MYO10: variants seen among roughly 807,000 people sequenced by gnomAD.
MYO10 encodes unconventional myosin-X.
Under a neutral mutation model 257.3 loss-of-function variants are expected in MYO10, and 133 were observed. That is an observed-to-expected ratio of 0.52 (90% confidence interval 0.45 to 0.60). The LOEUF is 0.60. Ranked by LOEUF, MYO10 falls within the 20% of genes least tolerant of loss-of-function variation. MYO10 has a pLI of 0.00. For synonymous variants in MYO10, 1,104 were observed against 1,028.6 expected (o/e 1.07, Z -1.40); for missense variants, 2,399 against 2,635.7 (o/e 0.91, Z 1.97).
chr5:16,694,633 G>T lies in MYO10; in HGVS notation c.3557-19C>A. On this transcript the variant is annotated intron_variant, in intron 26 of 40. Coordinates refer to ENST00000513610, the MANE Select transcript of MYO10 (RefSeq NM_012334.3). ...AGGCCACCTGTTCCCCGTGAGATTG[G>T]GTAGAGAGGGGTGAAAGAAAAGTCA... is the stretch of plus-strand genomic sequence containing the variant. 6.2e-7 allele frequency: 1 copy of T among 1,611,328 alleles called. No individual in the cohort carries two copies. Among genetic ancestry groups the T allele is most frequent in the South Asian group, 1.1e-5 (1 of 90,974 alleles).
chr5:16,792,126 CACACACAGAGAGAGAG>C (rs1232049435), intron 4 of MYO10, among the ~76,000 whole-genome samples: 3 of 122,630 alleles, frequency 2.4e-5, no homozygotes, highest in African/African-American at 5.7e-5. Context: ...CACACACACA[CACACACAGAGAGAGAG>C]AGAGAGAGAG....
intron 10 of MYO10, among the ~76,000 whole-genome samples, chr5:16,767,688 T>G (rs1298000265): frequency 6.6e-6 from 1 of 151,738 alleles, no homozygotes; most frequent in Non-Finnish European, 1.5e-5. Flanking sequence ...AGTTTTCACT[T>G]TTTTTTTGAG....
Position 16,803,706 on chromosome 5 carries a change from A to C in MYO10, c.280-8873T>G, listed in dbSNP as rs376305488. ...ATCTGAAATCTCTTCCTTGAAAAGC[A>C]AAAAAGGAAAGAATATGTAAAATGT... On this transcript the variant is annotated intron_variant, in intron 3 of 40. Coordinates refer to ENST00000513610, the MANE Select transcript of MYO10 (RefSeq NM_012334.3). Among the ~76,000 whole-genome samples, 29 of 152,244 alleles carry C rather than the reference A, an allele frequency of 1.9e-4. No individual in the cohort carries two copies. The East Asian group carries it at 1.9e-3, about 10-fold the overall frequency.
intron 19 of MYO10, among the ~76,000 whole-genome samples, chr5:16,725,345 C>A (rs922943182): frequency 7.2e-5 from 11 of 152,122 alleles, no homozygotes; most frequent in East Asian, 3.9e-4. Context: ...CTGCCTGCCT[C>A]GCCCTCCCAA....
At chr5:16,852,005 C>T (rs973326319) in intron 2 of MYO10, among the ~76,000 whole-genome samples, 6 of 129,142 alleles carry the variant, frequency 4.6e-5, no homozygotes, top group African/African-American at 5.9e-5. Flanking sequence ...GAGCCAAGAT[C>T]GTGCCACTGC....
At chr5:16,771,235 CA>C (rs1741039274) in intron 9 of MYO10, among the ~76,000 whole-genome samples, 1 of 151,790 alleles carries the variant, frequency 6.6e-6, no homozygotes, top group Non-Finnish European at 1.5e-5. Flanking sequence ...CGAACATGTA[CA>C]AATTAAGGTA....
At chr5:16,823,367 C>G (rs563567716) in intron 2 of MYO10, among the ~76,000 whole-genome samples, 21 of 131,720 alleles carry the variant, frequency 1.6e-4, no homozygotes, top group African/African-American at 6.0e-4. Flanking sequence ...ATCACTTGAA[C>G]CCGGGGGGCA....
At chr5:16,839,962 C>T (rs1043239208) in intron 2 of MYO10, among the ~76,000 whole-genome samples, 3 of 152,092 alleles carry the variant, frequency 2.0e-5, no homozygotes, top group African/African-American at 7.2e-5. Context: ...GGCGTCTGTA[C>T]TTTAATTCCA....
At position 16,703,130 on chromosome 5, in the gene MYO10, C is replaced by G; in HGVS notation, c.2305G>C (p.Val769Leu). The change falls in exon 23 of 41, where the codon GTG (valine) becomes CTG (leucine). Residue 769 changes from valine (V) to leucine (L), a missense_variant. Val to Leu is a conservative substitution (Grantham distance 32, BLOSUM62 1). Around this residue, in one of 3 missense-constraint regions of MYO10, gnomAD observed 1,820 missense variants for 1,939.4 expected, o/e 0.94. Coordinates refer to ENST00000513610, the MANE Select transcript of MYO10 (RefSeq NM_012334.3). ...RKQYRKVLYC[V>L]VIIQKNYRAF... ...CTGTAATTCTTCTGTATTATCACCACACAATAAAGGACCTTTCTGTATTGT... is the reference window on the plus strand; with the variant it reads ...CTGTAATTCTTCTGTATTATCACCAGACAATAAAGGACCTTTCTGTATTGT... 1 of 1,597,272 alleles carries G rather than the reference C, an allele frequency of 6.3e-7. No individual in the cohort carries two copies. The highest frequency in any genetic ancestry group is 1.1e-5 in the South Asian group (1 of 87,760).
intron 12 of MYO10, 77 bp downstream of exon 12, chr5:16,764,173 T>G: frequency 6.7e-7 from 1 of 1,498,352 alleles, no homozygotes; most frequent in Non-Finnish European, 9.0e-7. Flanking sequence ...AAAAAGAGTT[T>G]GCTCACAGAG....
rs746447550 is a variant in MYO10, at chr5:16,675,013, G to C, written c.4804C>G (p.Leu1602Val). The C allele has an allele frequency of 1.2e-6, 2 of 1,614,016 alleles. No homozygotes were observed. Among genetic ancestry groups the C allele is most frequent in the South Asian group, 2.2e-5 (2 of 91,088 alleles). Reference sequence around the variant, plus strand: ...AGCTGGCAGTACAGCTCGTCCCGCAGAGGTCGCAGGTCATGCCCTGTCTGT... The same window carrying C: ...AGCTGGCAGTACAGCTCGTCCCGCACAGGTCGCAGGTCATGCCCTGTCTGT... Reference protein sequence around the residue: ...ILQTGHDLRPLRDELYCQLIK... With the variant: ...ILQTGHDLRPVRDELYCQLIK... The change falls in exon 35 of 41, where the codon CTG (leucine) becomes GTG (valine). Residue 1602 changes from leucine to valine, a missense_variant. Around this residue, in one of 3 missense-constraint regions of MYO10, gnomAD observed 1,820 missense variants for 1,939.4 expected, o/e 0.94. Coordinates refer to ENST00000513610, the MANE Select transcript of MYO10 (RefSeq NM_012334.3).
chr5:16,798,579 C>T (rs1742032824), intron 3 of MYO10, among the ~76,000 whole-genome samples: 1 of 152,188 alleles, frequency 6.6e-6, no homozygotes, highest in Admixed American at 6.6e-5. Flanking sequence ...CTAACATCTG[C>T]AGAGGTGAGG....
intron 29 of MYO10, among the ~76,000 whole-genome samples, chr5:16,684,706 A>C (rs1381268780): frequency 7.2e-6 from 1 of 138,030 alleles, no homozygotes; most frequent in Non-Finnish European, 1.5e-5. Flanking sequence ...TGGTTTCCAA[A>C]GCAGGGTTTT....
chr5:16,765,648 T>G (rs898004538), intron 11 of MYO10, among the ~76,000 whole-genome samples: 1 of 152,258 alleles, frequency 6.6e-6, no homozygotes, highest in African/African-American at 2.4e-5. Flanking sequence ...GTAATGTTTA[T>G]TTAGCACTTA....
chr5:16,891,359 GGAAGGAAGGAAGGAAGGAAGGAGA>G lies in MYO10; in HGVS notation c.22-13676_22-13653del, dbSNP rs1440187677. On this transcript the variant is annotated intron_variant, in intron 1 of 40. Transcript: ENST00000513610. ...AGGAAGGAAGGAAGGAAGGAAGGAA[GGAAGGAAGGAAGGAAGGAAGGAGA>G]GAGAGAGGAAGGAGGAAGGAGGGGC... is the stretch of plus-strand genomic sequence containing the variant. Among the ~76,000 whole-genome samples, 658 of 119,796 alleles carry G rather than the reference GGAAGGAAGGAAGGAAGGAAGGAGA, an allele frequency of 5.5e-3. 7 individuals are homozygous for G. The highest frequency in any genetic ancestry group is 0.029 in the African/African-American group (573 of 20,014). 78.6% of individuals were successfully genotyped at this position (119,796 alleles called of 152,430 possible).
intron 4 of MYO10, among the ~76,000 whole-genome samples, chr5:16,792,574 C>T (rs1434035803): frequency 9.0e-6 from 1 of 111,526 alleles, no homozygotes. Flanking sequence ...CAGTCCCTCC[C>T]CACAGGAGCG....
chr5:16,747,490 G>A (rs1439142616), intron 19 of MYO10, among the ~76,000 whole-genome samples: 2 of 152,208 alleles, frequency 1.3e-5, no homozygotes, highest in African/African-American at 4.8e-5. Context: ...GCAGCAGGGT[G>A]CAAAGGCTGA....
At chr5:16,888,870 T>A (rs1019392224) in intron 1 of MYO10, among the ~76,000 whole-genome samples, 2 of 149,994 alleles carry the variant, frequency 1.3e-5, no homozygotes, top group African/African-American at 5.1e-5. Flanking sequence ...AATAATTACA[T>A]AATATAAACA....
intron 9 of MYO10, 139 bp downstream of exon 9, chr5:16,779,406 T>C: frequency 1.8e-6 from 1 of 562,720 alleles, no homozygotes. Flanking sequence ...AAGAAGGAAA[T>C]ACCTGTTCTC....
Sources: allele counts gnomAD v4.1 joint callset (sites outside exome capture counted in the v4.1 genomes callset), GRCh38; gene constraint gnomAD v4.1.1; regional missense constraint gnomAD v4.1.1; transcripts MANE v1.5; gene names NCBI Gene and HGNC (gene_info 2026-07-23, HGNC 2026-07-21).